The following FZD3 variants were observed in gnomAD, a reference collection of about 807,000 sequenced individuals.
The protein encoded by FZD3 is frizzled class receptor 3.
A neutral mutation model predicts 60.7 loss-of-function variants in FZD3; 30 were observed. The ratio of observed to expected loss-of-function variants is 0.49; its 90% CI spans 0.37 to 0.67. FZD3 has a LOEUF of 0.67. FZD3 is among the 30% of genes least tolerant of loss of function. FZD3 has a pLI of 0.00. For synonymous variants in FZD3, 246 were observed against 275.2 expected, an observed-to-expected ratio of 0.89 and a Z score of 1.05; for missense variants, 605 against 838.7, an observed-to-expected ratio of 0.72 and a Z score of 3.44.
chr8:28,534,156 TGA>T (rs1242866612), intron 5 of FZD3, among the ~76,000 whole-genome samples: 1 of 152,208 alleles, frequency 6.6e-6, no homozygotes, highest in Non-Finnish European at 1.5e-5. Flanking sequence ...ATAGCCCATC[TGA>T]ACTGTAGCCT....
chr8:28,518,670 CTTCTTCTCAT>C (rs1804496316), intron 3 of FZD3, among the ~76,000 whole-genome samples: 1 of 148,144 alleles, frequency 6.8e-6, no homozygotes, highest in African/African-American at 2.6e-5. Context: ...GTCCTTCCCA[CTTCTTCTCAT>C]TTAGATCTTG....
At chr8:28,519,357 T>C (rs2435986) in intron 3 of FZD3, among the ~76,000 whole-genome samples, 94,565 of 151,922 alleles carry the variant, frequency 0.62, 29,815 homozygotes, top group African/African-American at 0.7. Context: ...ATGTTTGGGG[T>C]TACTATTTTT....
Position 28,563,068 on chromosome 8 carries a change from G to GC in FZD3, c.*59dup. On this transcript the variant is annotated 3_prime_UTR_variant, in exon 8 of 8. Transcript: ENST00000240093. ...GTTTAAAAAGCAGATTTTATTCTTT[G>GC]CCTTTTGCATGACTGATAGCTGTAA... The GC allele has an allele frequency of 8.5e-7, 1 of 1,181,008 alleles. No individual in the cohort carries two copies. Among genetic ancestry groups the GC allele is most frequent in the Non-Finnish European group, 1.3e-6 (1 of 787,534 alleles). 73.2% of individuals were successfully genotyped at this position (1,181,008 alleles called of 1,614,324 possible).
At position 28,520,595 on chromosome 8, in the gene FZD3, A is replaced by G. The variant is rs373977662; in HGVS notation, c.190-43A>G. On this transcript the variant is annotated intron_variant, in intron 3 of 7. Coordinates refer to ENST00000240093, the MANE Select transcript of FZD3 (RefSeq NM_017412.4). Reference sequence around the variant, plus strand: ...AGTATTATAGAAAGCTTTAACTTGTATACAGCTCTTTAACTAATTATTCAA... The same window carrying G: ...AGTATTATAGAAAGCTTTAACTTGTGTACAGCTCTTTAACTAATTATTCAA... The G allele has an allele frequency of 9.6e-6, 11 of 1,147,762 alleles. No homozygotes were observed. In the African/African-American group the frequency reaches 1.5e-4, roughly 16 times the overall value. 71.1% of individuals were successfully genotyped at this position (1,147,762 alleles called of 1,614,324 possible).
chr8:28,499,341 G>A (rs1039407663), intron 1 of FZD3, among the ~76,000 whole-genome samples: 39 of 151,874 alleles, frequency 2.6e-4, no homozygotes, highest in African/African-American at 8.2e-4. Flanking sequence ...CACAAATACA[G>A]GTTTATGCTC....
intron 7 of FZD3, among the ~76,000 whole-genome samples, chr8:28,557,694 C>G (rs1358510781): frequency 1.3e-5 from 2 of 152,098 alleles, no homozygotes; most frequent in Non-Finnish European, 2.9e-5. Flanking sequence ...GTCTTTTTCT[C>G]CTCTCTACCT....
Position 28,551,338 on chromosome 8 carries a change from AC to A in FZD3, c.1405-261del, listed in dbSNP as rs566261457. 4.0e-3 allele frequency among the ~76,000 whole-genome samples: 615 copies of A among 152,082 alleles called. 4 individuals carry two copies. The highest frequency in any genetic ancestry group is 0.014 in the African/African-American group (585 of 41,466). ...CCTGCAGCCTGGCCAACATGGTGAA[AC>A]CCCGTCTCTACTAAAAATACAAAAA... On this transcript the variant is annotated intron_variant, in intron 5 of 7. Transcript: ENST00000240093.
At chr8:28,528,414 G>C (rs1248061084) in intron 5 of FZD3, among the ~76,000 whole-genome samples, 1 of 150,436 alleles carries the variant, frequency 6.6e-6, no homozygotes, top group Non-Finnish European at 1.5e-5. Context: ...GTCTGTTGGT[G>C]ATTTTTTTTT....
chr8:28,548,469 AT>A (rs1332735210), intron 5 of FZD3, among the ~76,000 whole-genome samples: 1 of 152,108 alleles, frequency 6.6e-6, no homozygotes, highest in Non-Finnish European at 1.5e-5. Context: ...CCTGGCCTGA[AT>A]TTTTGATCTT....
intron 5 of FZD3, among the ~76,000 whole-genome samples, chr8:28,542,165 C>G (rs551216200): frequency 2.1e-5 from 3 of 145,340 alleles, no homozygotes; most frequent in Non-Finnish European, 4.5e-5. Context: ...TCTTTGACTT[C>G]GTCTCCTACC....
intron 7 of FZD3, among the ~76,000 whole-genome samples, chr8:28,561,769 G>A (rs182493978): frequency 6.6e-6 from 1 of 152,228 alleles, no homozygotes; most frequent in East Asian, 1.9e-4. Flanking sequence ...GTATTTTAGA[G>A]AAATACTTCT....
At chr8:28,501,957 T>C (rs1441758980) in intron 2 of FZD3, among the ~76,000 whole-genome samples, 2 of 152,226 alleles carry the variant, frequency 1.3e-5, no homozygotes, top group Non-Finnish European at 2.9e-5. Context: ...GTCAGTTCAG[T>C]ATTGGTTGAT....
In FZD3 at chr8:28,565,240, A is replaced by G. The variant is rs972067716; in HGVS notation, c.*2229A>G. 5.3e-5 allele frequency: 8 copies of G among 152,088 alleles called. No homozygotes were observed. The South Asian group carries it at 1.2e-3, about 24-fold the overall frequency. The allele number at this position is 152,088 out of a possible 1,614,324, so 9.4% of individuals were successfully genotyped here. A position where few individuals can be genotyped will look rare whatever the true frequency, so the allele number is the denominator to read the frequency against. ...GAATATTTGGCCCAAAATGTTTTTC[A>G]TTTTTCTCTGTGTTCATTGCCTTTC... On this transcript the variant is annotated 3_prime_UTR_variant, in exon 8 of 8. Transcript: ENST00000240093.
chr8:28,504,148 A>G (rs1473380172), intron 3 of FZD3, among the ~76,000 whole-genome samples: 6 of 152,206 alleles, frequency 3.9e-5, no homozygotes, highest in Non-Finnish European at 8.8e-5. Flanking sequence ...ATTTTAAGGG[A>G]GACTAACCTA....
At chr8:28,549,285 G>A (rs1394039608) in intron 5 of FZD3, among the ~76,000 whole-genome samples, 1 of 152,134 alleles carries the variant, frequency 6.6e-6, no homozygotes, top group Non-Finnish European at 1.5e-5. Flanking sequence ...GTCACATTCT[G>A]AGGTACTGGG....
intron 5 of FZD3, among the ~76,000 whole-genome samples, chr8:28,545,165 A>C (rs1397433077): frequency 6.6e-6 from 1 of 152,218 alleles, no homozygotes; most frequent in Admixed American, 6.5e-5. Flanking sequence ...TGTAGCAACC[A>C]CTATGGTAGC....
chr8:28,527,878 AT>A lies in FZD3; in HGVS notation c.1122del (p.Phe374LeufsTer11). 6.2e-7 allele frequency: 1 copy of A among 1,614,064 alleles called. No homozygotes were observed. Among genetic ancestry groups the A allele is most frequent in the Non-Finnish European group, 8.5e-7 (1 of 1,179,978 alleles). ...VGLYDVDALR[Y>X]FVLAPLCLYV... ...CTCTACGATGTTGATGCATTGAGATATTTTGTTCTTGCTCCCCTCTGCCTGT... is the reference window on the plus strand; with the variant it reads ...CTCTACGATGTTGATGCATTGAGATATTTGTTCTTGCTCCCCTCTGCCTGT... On this transcript the variant is annotated frameshift_variant, in exon 5 of 8. Coordinates refer to ENST00000240093, the MANE Select transcript of FZD3 (RefSeq NM_017412.4). LOFTEE classifies it high-confidence loss of function. This position sits in a 1 kb window ranked among gnomAD's most constrained non-coding sequence, Gnocchi z 5.0.
chr8:28,556,375 A>G (rs947260629), intron 7 of FZD3, among the ~76,000 whole-genome samples: 4 of 152,200 alleles, frequency 2.6e-5, no homozygotes, highest in Admixed American at 6.5e-5. Flanking sequence ...TGTGGTTTAG[A>G]ACATGGATCT....
At position 28,527,826 on chromosome 8, in the gene FZD3, A is replaced by G. The variant is rs1804757185; in HGVS notation, c.1066A>G (p.Asn356Asp). Reference sequence around the variant, plus strand: ...AGCGATGAATAAAATTGAAGGTGACAATATTAGTGGCGTGTGTTTTGTTGG... The same window carrying G: ...AGCGATGAATAAAATTGAAGGTGACGATATTAGTGGCGTGTGTTTTGTTGG... The part of the protein sequence containing the change: ...LLAMNKIEGD[N>D]ISGVCFVGLY... Residue 356 changes from asparagine to aspartate, a missense_variant, in exon 5 of 8, where the codon AAT becomes GAT. Coordinates refer to ENST00000240093, the MANE Select transcript of FZD3 (RefSeq NM_017412.4). The surrounding 1 kb of genome is among the most constrained non-coding windows in gnomAD (Gnocchi z 5.0). 1.9e-6 allele frequency: 3 copies of G among 1,614,008 alleles called. No individual in the cohort carries two copies. The highest frequency in any genetic ancestry group is 3.3e-5 in the Admixed American group (2 of 59,974).
Sources: gnomAD v4.1 joint callset for allele counts (sites outside exome capture counted in the v4.1 genomes callset) on GRCh38, gnomAD v4.1.1 for gene constraint, Gnocchi (gnomAD v3.1) non-coding constraint, MANE v1.5 for transcripts, NCBI Gene and HGNC (gene_info 2026-07-23, HGNC 2026-07-21) for gene names.